SLC22A2: variants seen among roughly 807,000 people sequenced by gnomAD.
SLC22A2 encodes the protein solute carrier family 22 member 2, also known as organic cation transporter 2.
SLC22A2 carries 46 observed loss-of-function variants against 60.5 expected under a neutral mutation model. The observed-to-expected ratio is 0.76, with a 90% CI of 0.60 to 0.97. The LOEUF (loss-of-function observed/expected upper bound fraction) is 0.97. Ranked by LOEUF, SLC22A2 falls within the 50% of genes least tolerant of loss-of-function variation. The pLI, the probability that SLC22A2 is intolerant of heterozygous loss-of-function variation, is 0.00. For missense variants in SLC22A2, 701 were observed against 706.6 expected (o/e 0.99, Z 0.09); for synonymous variants, 303 against 267.0 (o/e 1.13, Z -1.31).
chr6:160,256,514 G>A, intron 2 of SLC22A2, 100 bp downstream of exon 2: 1 of 780,076 alleles, frequency 1.3e-6, no homozygotes, highest in African/African-American at 1.7e-5. Context: ...TGTGGTCTGT[G>A]TGCTTGGGAA....
At chr6:160,218,334 TAGC>T in intron 10 of SLC22A2, 1 of 357,624 alleles carries the variant, frequency 2.8e-6, no homozygotes, top group Non-Finnish European at 5.4e-6. Context: ...ACAGTAGAAA[TAGC>T]AGCAATAGAA....
Position 160,243,647 on chromosome 6 carries a change from C to T in SLC22A2, c.1204G>A (p.Gly402Arg), listed in dbSNP as rs535926721. Residue 402 changes from glycine to arginine, a missense_variant, in exon 7 of 11, where the codon GGA becomes AGA. Coordinates refer to ENST00000366953, the MANE Select transcript of SLC22A2 (RefSeq NM_003058.4). ...GATGCAGCCCAAGGGTAACGGCGTC[C>T]GATGCGGTCGATGGTGAGGATGATC... is the stretch of plus-strand genomic sequence containing the variant. ...FMIILTIDRI[G>R]RRYPWAASNM... 117 of 1,613,852 alleles carry T rather than the reference C, an allele frequency of 7.2e-5. No individual in the cohort carries two copies. Among genetic ancestry groups the T allele is most frequent in the Non-Finnish European group, 9.0e-5 (106 of 1,179,970 alleles).
Position 160,250,617 on chromosome 6 carries a change from A to G in SLC22A2, c.604T>C (p.Trp202Arg). The G allele has an allele frequency of 1.9e-6, 3 of 1,614,072 alleles. No homozygotes were observed. The highest frequency in any genetic ancestry group is 2.5e-6 in the Non-Finnish European group (3 of 1,179,962). The change falls in exon 3 of 11, where the codon TGG (tryptophan) becomes CGG (arginine). Residue 202 changes from tryptophan to arginine, a missense_variant. By Grantham distance (101) the Trp-to-Arg change is moderately radical. Transcript: ENST00000366953. ...VLMAISPTYT[W>R]MLIFRLIQGL... ...TGGATTAAGCGAAAAATTAACATCC[A>G]CGTATAGGTTGGGGAAATGGCCATG... is the stretch of plus-strand genomic sequence containing the variant.
intron 4 of SLC22A2, among the ~76,000 whole-genome samples, chr6:160,247,628 T>C (rs929092028): frequency 6.6e-6 from 1 of 152,130 alleles, no homozygotes; most frequent in Admixed American, 6.5e-5. Flanking sequence ...GACTGGATGC[T>C]GGAGTATGCA....
chr6:160,223,906 T>C (rs1280895189), intron 10 of SLC22A2, among the ~76,000 whole-genome samples: 1 of 151,934 alleles, frequency 6.6e-6, no homozygotes, highest in Non-Finnish European at 1.5e-5. Flanking sequence ...TTTTTTGTAC[T>C]TTTTTAGTAG....
chr6:160,242,169 C>T lies in SLC22A2; in HGVS notation c.1388+125G>A, dbSNP rs1453371592. On this transcript the variant is annotated intron_variant, in intron 8 of 10. Transcript: ENST00000366953. The stretch of plus-strand genomic sequence containing the variant: ...ACTGCTGGGCCTGGCTGGACCTTTA[C>T]GTGTTCTCACCTTCCCTTACACTGT... The T allele has an allele frequency of 7.7e-5, 54 of 697,226 alleles. No individual in the cohort carries two copies. The East Asian group carries it at 9.2e-4, about 12-fold the overall frequency. The allele number at this position is 697,226 out of a possible 1,614,324, so 43.2% of individuals were successfully genotyped here. A position where few individuals can be genotyped will look rare whatever the true frequency, so the allele number is the denominator to read the frequency against.
At position 160,243,592 on chromosome 6, in the gene SLC22A2, G is replaced by C; in HGVS notation, c.1259C>G (p.Ala420Gly). The C allele has an allele frequency of 6.2e-7, 1 of 1,613,776 alleles. No homozygotes were observed. The highest frequency in any genetic ancestry group is 8.5e-7 in the Non-Finnish European group (1 of 1,179,760). Residue 420 changes from alanine (A) to glycine (G), a missense_variant, in exon 7 of 11, where the codon GCC (alanine) becomes GGC (glycine). Coordinates refer to ENST00000366953, the MANE Select transcript of SLC22A2 (RefSeq NM_003058.4). ...SNMVAGAACL[A>G]SVFIPGDLQW... is the part of the protein sequence containing the mutation. The stretch of plus-strand genomic sequence containing the variant: ...CTTACCACCAGGTATAAAAACTGAG[G>C]CCAGACAGGCTGCCCCTGCAACCAT...
intron 1 of SLC22A2, among the ~76,000 whole-genome samples, 179 bp from the exon 2 acceptor site, chr6:160,256,896 C>T (rs1304875204): frequency 4.1e-5 from 6 of 146,936 alleles, no homozygotes; most frequent in African/African-American, 1.6e-4. Flanking sequence ...TCTTCTCTCT[C>T]TCTCTCTTTT....
intron 9 of SLC22A2, 91 bp from the exon 10 acceptor site, chr6:160,224,895 T>TG (rs1782699482): frequency 1.5e-6 from 1 of 665,692 alleles, no homozygotes; most frequent in South Asian, 3.2e-5. Context: ...AAAACTTTTT[T>TG]TTAGCATTTT....
At chr6:160,224,673 G>A (rs1430168174) in intron 10 of SLC22A2, 32 bp downstream of exon 10, 1 of 1,446,394 alleles carries the variant, frequency 6.9e-7, no homozygotes, top group African/African-American at 1.4e-5. Context: ...AACCTTTATA[G>A]AACAATTCAT....
intron 4 of SLC22A2, among the ~76,000 whole-genome samples, chr6:160,247,682 TC>T (rs2114867564): frequency 6.6e-6 from 1 of 152,292 alleles, no homozygotes; most frequent in Admixed American, 6.5e-5. Flanking sequence ...TGTGTTATGC[TC>T]AATTTCCCAA....
rs777802245 is a variant in SLC22A2, at chr6:160,256,577, G to A, written c.518+37C>T. 4.2e-6 allele frequency: 6 copies of A among 1,444,934 alleles called. No individual in the cohort carries two copies. The South Asian group carries it at 5.7e-5, about 14-fold the overall frequency. 89.5% of individuals were successfully genotyped at this position (1,444,934 alleles called of 1,614,324 possible). ...CATCCAAGTGTTCTCCAAACCTTTG[G>A]GATTGTTTAAATTCCACCACAGGTG... On this transcript the variant is annotated intron_variant, in intron 2 of 10. Transcript: ENST00000366953.
At chr6:160,230,959 C>A (rs567332108) in intron 9 of SLC22A2, among the ~76,000 whole-genome samples, 21 of 152,088 alleles carry the variant, frequency 1.4e-4, no homozygotes, top group African/African-American at 5.1e-4. Context: ...AGCTTAGCAG[C>A]TGAAGACTGA....
At chr6:160,217,533 G>A in intron 10 of SLC22A2, 35 bp from the exon 11 acceptor site, 1 of 1,194,542 alleles carries the variant, frequency 8.4e-7, no homozygotes, top group East Asian at 2.3e-5. Context: ...AGGGGAGAAA[G>A]AAATTATGAG....
At chr6:160,242,716 C>G (rs1783030619) in intron 7 of SLC22A2, among the ~76,000 whole-genome samples, 1 of 152,092 alleles carries the variant, frequency 6.6e-6, no homozygotes, top group Admixed American at 6.5e-5. Flanking sequence ...ATTCCACCCC[C>G]CACTGCCCAT....
At chr6:160,247,865 G>A (rs1583399601) in intron 4 of SLC22A2, among the ~76,000 whole-genome samples, 1 of 152,330 alleles carries the variant, frequency 6.6e-6, no homozygotes, top group African/African-American at 2.4e-5. Context: ...CAGGGTGAAT[G>A]AGTTCAGGGT....
intron 9 of SLC22A2, among the ~76,000 whole-genome samples, chr6:160,227,250 A>G (rs2114852415): frequency 6.6e-6 from 1 of 152,290 alleles, no homozygotes; most frequent in Non-Finnish European, 1.5e-5. Context: ...AAAGGGTACC[A>G]CCTATGAGAC....
At chr6:160,254,257 G>T (rs566133613) in intron 2 of SLC22A2, among the ~76,000 whole-genome samples, 1 of 152,068 alleles carries the variant, frequency 6.6e-6, no homozygotes, top group Non-Finnish European at 1.5e-5. Context: ...TAGCCTGGGC[G>T]ATAGAGTGAG....
chr6:160,218,938 A>AACAGAAATC (rs1782592623), intron 10 of SLC22A2, among the ~76,000 whole-genome samples: 1 of 30,838 alleles, frequency 3.2e-5, no homozygotes, highest in African/African-American at 7.5e-5. Context: ...CAGAAGTAGC[A>AACAGAAATC]GTAGTAATAG....
Sources: allele counts gnomAD v4.1 joint callset (sites outside exome capture counted in the v4.1 genomes callset), GRCh38; gene constraint gnomAD v4.1.1; transcripts MANE v1.5; gene names NCBI Gene and HGNC (gene_info 2026-07-23, HGNC 2026-07-21).